The following RALGDS variants were observed in gnomAD, a reference collection of about 807,000 sequenced individuals.
RALGDS encodes the protein ral guanine nucleotide dissociation stimulator.
RALGDS carries 44 observed loss-of-function variants against 99.8 expected under a neutral mutation model. The observed-to-expected ratio is 0.44, with a 90% CI of 0.35 to 0.57. RALGDS has a LOEUF of 0.57. Ranked by LOEUF, RALGDS falls within the 20% of genes least tolerant of loss-of-function variation. The pLI, the probability that RALGDS is intolerant of heterozygous loss-of-function variation, is 0.01. For synonymous variants in RALGDS, 529 were observed against 505.0 expected (o/e 1.05, Z -0.64); for missense variants, 1,022 against 1,203.1 (o/e 0.85, Z 2.23).
intron 17 of RALGDS, chr9:133,099,220 T>G: frequency 5.8e-6 from 1 of 171,544 alleles, no homozygotes; most frequent in Non-Finnish European, 1.3e-5. Context: ...CGGCAAGCAC[T>G]TCCTTTTGGC....
intron 3 of RALGDS, among the ~76,000 whole-genome samples, chr9:133,110,067 C>A (rs1298545280): frequency 6.6e-6 from 1 of 152,212 alleles, no homozygotes; most frequent in Non-Finnish European, 1.5e-5. Flanking sequence ...AGCACCACAG[C>A]CCCGCAGCCC....
intron 9 of RALGDS, among the ~76,000 whole-genome samples, chr9:133,104,886 A>G (rs1345997851): frequency 1.3e-5 from 2 of 151,614 alleles, no homozygotes; most frequent in East Asian, 3.9e-4. Context: ...ATGGCTGCAC[A>G]CTCCTTTCTC....
intron 1 of RALGDS, among the ~76,000 whole-genome samples, chr9:133,139,130 AC>A (rs906878903): frequency 1.3e-5 from 2 of 152,138 alleles, no homozygotes; most frequent in African/African-American, 2.4e-5. Flanking sequence ...ATACAGGGTC[AC>A]CCAAAGGCAG....
chr9:133,132,613 C>T (rs1445854674), upstream of RALGDS, among the ~76,000 whole-genome samples: 4 of 152,036 alleles, frequency 2.6e-5, no homozygotes, highest in Non-Finnish European at 5.9e-5. Flanking sequence ...TAAAGAGGCC[C>T]TGGAAAGAAG....
At chr9:133,143,783 C>CAATAAT (rs1222519041) in intron 1 of RALGDS, among the ~76,000 whole-genome samples, 1 of 109,460 alleles carries the variant, frequency 9.1e-6, no homozygotes, top group African/African-American at 4.4e-5. Context: ...ACAACAACAA[C>CAATAAT]AACAATAATA....
chr9:133,118,904 G>A (rs1831757808), intron 1 of RALGDS, among the ~76,000 whole-genome samples: 1 of 152,212 alleles, frequency 6.6e-6, no homozygotes, highest in Non-Finnish European at 1.5e-5. Flanking sequence ...GGTGGTGTTG[G>A]CACCTACTCT....
At chr9:133,129,210 C>T (rs369104933) in intron 1 of RALGDS, 825 of 1,597,238 alleles carry the variant, frequency 5.2e-4, no homozygotes, top group Non-Finnish European at 6.4e-4. Context: ...CGACGGGCGA[C>T]GGCCCTTCTC....
At chr9:133,115,903 C>T (rs1050666335) in intron 1 of RALGDS, among the ~76,000 whole-genome samples, 2 of 152,246 alleles carry the variant, frequency 1.3e-5, no homozygotes, top group African/African-American at 4.8e-5. Flanking sequence ...AGAAGCCAAA[C>T]GTAAAACGCA....
chr9:133,138,395 T>C (rs979878924), intron 1 of RALGDS, among the ~76,000 whole-genome samples: 4 of 152,146 alleles, frequency 2.6e-5, no homozygotes, highest in African/African-American at 9.7e-5. Flanking sequence ...CTCTCCTATC[T>C]GCCTCACCTG....
intron 9 of RALGDS, 162 bp from the exon 10 acceptor site, chr9:133,104,493 T>C: frequency 3.0e-6 from 2 of 663,930 alleles, no homozygotes; most frequent in Non-Finnish European, 5.4e-6. Context: ...TGAGCCTGCC[T>C]CCCCCTCTGG....
intron 10 of RALGDS, 70 bp downstream of exon 10, chr9:133,104,193 G>T: frequency 6.7e-7 from 1 of 1,491,586 alleles, no homozygotes. Context: ...ACCGTGGCTA[G>T]AGAGGAAAGG....
chr9:133,118,844 G>A (rs754591974), intron 1 of RALGDS, among the ~76,000 whole-genome samples: 2 of 152,172 alleles, frequency 1.3e-5, no homozygotes, highest in Non-Finnish European at 2.9e-5. Context: ...CTGGCTGCAC[G>A]GGTGTTTAGG....
intron 1 of RALGDS, among the ~76,000 whole-genome samples, chr9:133,126,303 C>A (rs1369638209): frequency 2.0e-5 from 3 of 152,082 alleles, no homozygotes; most frequent in African/African-American, 7.2e-5. Flanking sequence ...ACAGACCTTT[C>A]GGAAGTCGGG....
At chr9:133,126,102 TC>T (rs1832146399), upstream of RALGDS, among the ~76,000 whole-genome samples, 1 of 152,094 alleles carries the variant, frequency 6.6e-6, no homozygotes, top group Non-Finnish European at 1.5e-5. Context: ...CTAAGGACTC[TC>T]GAGATCACTA....
chr9:133,120,979 C>A lies in RALGDS; in HGVS notation c.176G>T (p.Arg59Leu). ...SFTQLDPDLP[R>L]PESSTQEIGE... is the part of the protein sequence containing the mutation. ...CCGCCCCAGCTCACCCACCTCCGGG[C>A]GCGGCAGGTCGGGGTCTAGCTGCGT... Residue 59 changes from arginine to leucine, a missense_variant, in exon 1 of 18, where the codon CGC (arginine) becomes CTC (leucine). By Grantham distance (102) the Arg-to-Leu change is moderately radical. This residue lies in a region of RALGDS where 180 missense variants were observed against 169.3 expected (regional missense o/e 1.06). Coordinates refer to ENST00000372050, the MANE Select transcript of RALGDS (RefSeq NM_006266.4). The A allele has an allele frequency of 6.7e-7, 1 of 1,484,572 alleles. No homozygotes were observed. The highest frequency in any genetic ancestry group is 8.9e-7 in the Non-Finnish European group (1 of 1,123,468). The allele number at this position is 1,484,572 out of a possible 1,614,324, so 92.0% of individuals were successfully genotyped here. A position where few individuals can be genotyped will look rare whatever the true frequency, so the allele number is the denominator to read the frequency against.
At chr9:133,106,170 G>C (rs1373892785) in intron 8 of RALGDS, among the ~76,000 whole-genome samples, 154 bp from the exon 9 acceptor site, 1 of 151,736 alleles carries the variant, frequency 6.6e-6, no homozygotes, top group Non-Finnish European at 1.5e-5. Context: ...GGTCTGGGGA[G>C]GGGGCCTTCA....
rs774071091 is a variant in RALGDS, at chr9:133,102,477, C to T, written c.2008G>A (p.Asp670Asn). The T allele has an allele frequency of 1.4e-5, 22 of 1,613,808 alleles. No homozygotes were observed. The highest frequency in any genetic ancestry group is 6.7e-5 in the East Asian group (3 of 44,888). ...TACCACCCTTGGCCAGGCCCTTACT[C>T]GCTCCAGCGCTTGACAATGGCTGTG... ...KNTAIVKRWS[D>N]RQAPSTELST... The change falls in exon 14 of 18, where the codon GAC (aspartate) becomes AAC (asparagine). Residue 670 changes from aspartate to asparagine, a missense_variant and splice_region_variant. This residue lies in a region of RALGDS where 825 missense variants were observed against 994.5 expected (regional missense o/e 0.83). Coordinates refer to ENST00000372050, the MANE Select transcript of RALGDS (RefSeq NM_006266.4).
At chr9:133,122,426 T>C (rs568928491), upstream of RALGDS, among the ~76,000 whole-genome samples, 3 of 152,286 alleles carry the variant, frequency 2.0e-5, no homozygotes, top group South Asian at 4.1e-4. Context: ...AGTTTCTCCA[T>C]CTGTAAACTG....
upstream of RALGDS, among the ~76,000 whole-genome samples, chr9:133,133,530 G>T (rs1832378215): frequency 6.6e-6 from 1 of 152,234 alleles, no homozygotes; most frequent in Non-Finnish European, 1.5e-5. Context: ...AACGAAGACT[G>T]CCATGGACAG....
Sources: gnomAD v4.1 joint callset for allele counts (sites outside exome capture counted in the v4.1 genomes callset) on GRCh38, gnomAD v4.1.1 for gene constraint, gnomAD v4.1.1 regional missense constraint, MANE v1.5 for transcripts, NCBI Gene and HGNC (gene_info 2026-07-23, HGNC 2026-07-21) for gene names.